The following GUCY1A2 variants were observed in gnomAD, a reference collection of about 807,000 sequenced individuals.
GUCY1A2 encodes guanylate cyclase 1 soluble subunit alpha 2, also known as guanylate cyclase soluble subunit alpha-2.
Under a neutral mutation model 63.5 loss-of-function variants are expected in GUCY1A2, and 27 were observed. The observed-to-expected ratio is 0.43, with a 90% confidence interval of 0.31 to 0.59. The LOEUF (loss-of-function observed/expected upper bound fraction) is 0.59. GUCY1A2 is among the 20% of genes least tolerant of loss of function. GUCY1A2 has a pLI of 0.11. For missense variants in GUCY1A2, 768 were observed against 913.3 expected, an observed-to-expected ratio of 0.84 and a Z score of 2.05; for synonymous variants, 364 against 343.5, an observed-to-expected ratio of 1.06 and a Z score of -0.66.
At chr11:106,899,948 T>C (rs961004104) in intron 4 of GUCY1A2, among the ~76,000 whole-genome samples, 2 of 151,908 alleles carry the variant, frequency 1.3e-5, no homozygotes, top group South Asian at 2.1e-4. Flanking sequence ...TAGCCAGGCA[T>C]GGTAGCAGGC....
chr11:106,912,200 C>T (rs1191646033), intron 4 of GUCY1A2, among the ~76,000 whole-genome samples: 1 of 151,910 alleles, frequency 6.6e-6, no homozygotes, highest in Admixed American at 6.6e-5. Context: ...TATCAACTCC[C>T]ATCTTTTTTT....
intron 1 of GUCY1A2, among the ~76,000 whole-genome samples, chr11:107,008,529 A>G (rs1452288478): frequency 2.0e-5 from 3 of 152,218 alleles, no homozygotes; most frequent in Admixed American, 6.5e-5. Flanking sequence ...GAGCAGTACC[A>G]AATACATCAT....
chr11:107,013,553 T>C (rs889067352), intron 1 of GUCY1A2, among the ~76,000 whole-genome samples: 6 of 152,202 alleles, frequency 3.9e-5, no homozygotes, highest in African/African-American at 1.4e-4. Context: ...GGGTTTTTGT[T>C]TGTTTTGTTT....
In GUCY1A2 at chr11:106,903,060, A is replaced by T. The variant is rs560734976; in HGVS notation, c.1206+36400T>A. Among the ~76,000 whole-genome samples, 12 of 152,324 alleles carry T rather than the reference A, an allele frequency of 7.9e-5. 1 individual carries two copies. In the South Asian group the frequency reaches 2.5e-3, roughly 32 times the overall value. On this transcript the variant is annotated intron_variant, in intron 4 of 7. Coordinates refer to ENST00000526355, the MANE Select transcript of GUCY1A2 (RefSeq NM_000855.3). Reference sequence around the variant, plus strand: ...GAACTTCAAATATGTCCAATGACTTACTGTGCTCAAACACTGATTTTATTC... The same window carrying T: ...GAACTTCAAATATGTCCAATGACTTTCTGTGCTCAAACACTGATTTTATTC...
chr11:106,802,050 A>C (rs1858611227), intron 5 of GUCY1A2, among the ~76,000 whole-genome samples: 1 of 152,192 alleles, frequency 6.6e-6, no homozygotes, highest in South Asian at 2.1e-4. Context: ...ATTAAGTGAT[A>C]AATAGTGGCA....
chr11:106,821,894 G>A (rs535324198), intron 4 of GUCY1A2, among the ~76,000 whole-genome samples: 10 of 151,878 alleles, frequency 6.6e-5, no homozygotes, highest in South Asian at 6.3e-4. Context: ...TCCATTCCTC[G>A]TTTCAATTCT....
chr11:106,831,999 A>G (rs1243345892), intron 4 of GUCY1A2, among the ~76,000 whole-genome samples: 4 of 152,128 alleles, frequency 2.6e-5, no homozygotes, highest in Non-Finnish European at 2.9e-5. Context: ...TTTAATTAAT[A>G]TACTTCCCAT....
At chr11:106,890,400 C>CTGATACTCTT (rs1032494779) in intron 4 of GUCY1A2, among the ~76,000 whole-genome samples, 1 of 152,168 alleles carries the variant, frequency 6.6e-6, no homozygotes, top group African/African-American at 2.4e-5. Flanking sequence ...TGATGTTCTG[C>CTGATACTCTT]TGATACTCTT....
intron 4 of GUCY1A2, among the ~76,000 whole-genome samples, chr11:106,920,491 T>C (rs772026921): frequency 2.4e-4 from 36 of 152,166 alleles, no homozygotes; most frequent in Non-Finnish European, 2.9e-4. Context: ...TTATAATACA[T>C]TAACATGGGT....
At chr11:106,707,360 C>A (rs1450116915) in intron 7 of GUCY1A2, among the ~76,000 whole-genome samples, 19 of 151,854 alleles carry the variant, frequency 1.3e-4, no homozygotes, top group Admixed American at 1.2e-3. Flanking sequence ...TTATAGTCAA[C>A]TTTTATCTTT....
chr11:106,699,497 C>G (rs186730280), intron 7 of GUCY1A2, among the ~76,000 whole-genome samples: 9 of 152,242 alleles, frequency 5.9e-5, no homozygotes, highest in South Asian at 2.1e-4. Flanking sequence ...GAAATTCTTT[C>G]TGTGTGTGAA....
At chr11:106,793,196 A>G (rs1376862835) in intron 5 of GUCY1A2, among the ~76,000 whole-genome samples, 1 of 152,178 alleles carries the variant, frequency 6.6e-6, no homozygotes, top group African/African-American at 2.4e-5. Flanking sequence ...GGACAGAATG[A>G]GATCCCAGAA....
intron 4 of GUCY1A2, among the ~76,000 whole-genome samples, chr11:106,822,665 C>A (rs1257847505): frequency 6.6e-6 from 1 of 152,164 alleles, no homozygotes; most frequent in African/African-American, 2.4e-5. Flanking sequence ...TAGCCTCCAG[C>A]TGAACAATTT....
At chr11:107,011,990 C>A (rs1019446652) in intron 1 of GUCY1A2, among the ~76,000 whole-genome samples, 1 of 152,110 alleles carries the variant, frequency 6.6e-6, no homozygotes, top group Non-Finnish European at 1.5e-5. Context: ...ACTTCTCTTT[C>A]ACCTACAATT....
chr11:106,813,303 T>C (rs1245773458), intron 4 of GUCY1A2, among the ~76,000 whole-genome samples: 2 of 152,002 alleles, frequency 1.3e-5, no homozygotes, highest in African/African-American at 4.8e-5. Context: ...GGGTTAAATA[T>C]CATACTATCA....
chr11:106,789,309 C>CA (rs1408474561), intron 5 of GUCY1A2, among the ~76,000 whole-genome samples: 5 of 152,142 alleles, frequency 3.3e-5, no homozygotes, highest in African/African-American at 1.2e-4. Context: ...TTACATTTTT[C>CA]AATTTTAGAA....
At chr11:106,724,850 G>A (rs190454385) in intron 6 of GUCY1A2, among the ~76,000 whole-genome samples, 217 of 152,036 alleles carry the variant, frequency 1.4e-3, no homozygotes, top group African/African-American at 5.1e-3. Flanking sequence ...CAAGCCCTTC[G>A]CATCTATTAT....
chr11:106,737,394 C>A (rs919445202), intron 6 of GUCY1A2, among the ~76,000 whole-genome samples: 4 of 152,020 alleles, frequency 2.6e-5, no homozygotes, highest in African/African-American at 4.8e-5. Flanking sequence ...AGTGGACCAT[C>A]TCTTTTTCTT....
chr11:106,817,082 A>C (rs1251804286), intron 4 of GUCY1A2, among the ~76,000 whole-genome samples: 1 of 152,106 alleles, frequency 6.6e-6, no homozygotes, highest in Non-Finnish European at 1.5e-5. Flanking sequence ...GGAACATTTA[A>C]ATGTGGTGCA....
Sources: allele counts gnomAD v4.1 joint callset (sites outside exome capture counted in the v4.1 genomes callset), GRCh38; gene constraint gnomAD v4.1.1; transcripts MANE v1.5; gene names NCBI Gene and HGNC (gene_info 2026-07-23, HGNC 2026-07-21).